RAB11FIP3: variants seen among roughly 807,000 people sequenced by gnomAD.
RAB11FIP3 encodes the protein rab11 family-interacting protein 3.
In RAB11FIP3, 17 loss-of-function variants were observed where a neutral mutation model predicts 77.8. The observed-to-expected ratio is 0.22, with a 90% CI of 0.15 to 0.33. The LOEUF (loss-of-function observed/expected upper bound fraction) is 0.33, where lower values mean the gene tolerates loss of function less well. RAB11FIP3 is among the 10% of genes least tolerant of loss of function. The pLI is 1.00. For missense variants in RAB11FIP3, 1,005 were observed against 1,011.2 expected, an observed-to-expected ratio of 0.99 and a Z score of 0.08; for synonymous variants, 437 against 448.2, an observed-to-expected ratio of 0.98 and a Z score of 0.31.
chr16:453,673 C>T (rs1028064447), intron 1 of RAB11FIP3, among the ~76,000 whole-genome samples: 5 of 151,194 alleles, frequency 3.3e-5, no homozygotes, highest in East Asian at 1.9e-4. Context: ...TCACTGCAAC[C>T]TCTGCCCCCT....
At chr16:439,330 G>A (rs2055186688) in intron 1 of RAB11FIP3, 1 of 152,238 alleles carries the variant, frequency 6.6e-6, no homozygotes. Flanking sequence ...TGGGAATGGA[G>A]AAGGACCAAA....
At chr16:430,944 C>T (rs2055025367) in intron 1 of RAB11FIP3, among the ~76,000 whole-genome samples, 1 of 152,250 alleles carries the variant, frequency 6.6e-6, no homozygotes, top group South Asian at 2.1e-4. Context: ...CGGGCCTCAG[C>T]CTCTCAAAGT....
chr16:491,370 T>C, intron 5 of RAB11FIP3: 1 of 1,191,456 alleles, frequency 8.4e-7, no homozygotes. Flanking sequence ...ACCAGGAGCC[T>C]CTCAGGCAGC....
At chr16:517,248 C>G (rs2032457257) in intron 9 of RAB11FIP3, among the ~76,000 whole-genome samples, 1 of 152,142 alleles carries the variant, frequency 6.6e-6, no homozygotes, top group Admixed American at 6.5e-5. Flanking sequence ...GTCTGGGAGA[C>G]TCACAGACCA....
At chr16:488,628 C>T (rs1027478353) in intron 4 of RAB11FIP3, among the ~76,000 whole-genome samples, 19 of 152,068 alleles carry the variant, frequency 1.2e-4, no homozygotes, top group Admixed American at 5.2e-4. Flanking sequence ...AGGCTGGTCT[C>T]AAACTCCTGA....
intron 5 of RAB11FIP3, chr16:491,121 TC>T (rs2030143134): frequency 7.7e-7 from 1 of 1,291,426 alleles, no homozygotes; most frequent in African/African-American, 1.5e-5. Flanking sequence ...AACGGATGCT[TC>T]TGTCTCTCTA....
chr16:497,634 C>G (rs1385562136), intron 6 of RAB11FIP3, among the ~76,000 whole-genome samples: 1 of 152,162 alleles, frequency 6.6e-6, no homozygotes, highest in Non-Finnish European at 1.5e-5. Context: ...ACAGGTCTCC[C>G]CACACTGGTG....
chr16:445,910 A>T (rs1427642152), intron 1 of RAB11FIP3, among the ~76,000 whole-genome samples: 1 of 152,120 alleles, frequency 6.6e-6, no homozygotes, highest in African/African-American at 2.4e-5. Flanking sequence ...CTCCAGGTAC[A>T]GGTGTTCTCT....
intron 1 of RAB11FIP3, among the ~76,000 whole-genome samples, chr16:450,062 A>G (rs1204819782): frequency 3.3e-5 from 5 of 152,166 alleles, no homozygotes; most frequent in Admixed American, 6.5e-5. Context: ...TCTGCCTGCT[A>G]CCATGGTCTA....
intron 1 of RAB11FIP3, among the ~76,000 whole-genome samples, chr16:455,938 G>C (rs1464015953): frequency 6.6e-6 from 1 of 152,100 alleles, no homozygotes; most frequent in African/African-American, 2.4e-5. Flanking sequence ...ATATTTTATT[G>C]AACATCCTTT....
At chr16:482,821 G>C in intron 4 of RAB11FIP3, 85 bp downstream of exon 4, 1 of 1,387,280 alleles carries the variant, frequency 7.2e-7, no homozygotes, top group Non-Finnish European at 9.8e-7. Flanking sequence ...TGGGGTCTTG[G>C]AGGAGTGCGT....
chr16:439,860 T>C (rs2055195427), intron 1 of RAB11FIP3, among the ~76,000 whole-genome samples: 1 of 152,058 alleles, frequency 6.6e-6, no homozygotes, highest in Non-Finnish European at 1.5e-5. Context: ...CTTTTTTTTT[T>C]TTGAGACGGG....
At chr16:433,710 G>T (rs1007422239) in intron 1 of RAB11FIP3, among the ~76,000 whole-genome samples, 1 of 151,642 alleles carries the variant, frequency 6.6e-6, no homozygotes, top group Non-Finnish European at 1.5e-5. Context: ...AAAAAAATTA[G>T]CTGGGTGTGG....
At chr16:503,568 C>T (rs1447608704) in intron 7 of RAB11FIP3, among the ~76,000 whole-genome samples, 2 of 152,100 alleles carry the variant, frequency 1.3e-5, no homozygotes, top group African/African-American at 4.8e-5. Context: ...CAGGGCAAGG[C>T]AGCCTTGCCG....
intron 1 of RAB11FIP3, among the ~76,000 whole-genome samples, chr16:450,764 G>A (rs1014795114): frequency 3.9e-5 from 6 of 152,130 alleles, no homozygotes; most frequent in Non-Finnish European, 5.9e-5. Flanking sequence ...CAGCTGGCTC[G>A]CATTCTAGAG....
chr16:451,685 AT>A (rs1724340195), intron 1 of RAB11FIP3: 1 of 151,982 alleles, frequency 6.6e-6, no homozygotes, highest in African/African-American at 2.4e-5. Flanking sequence ...AATACAAAAA[AT>A]TAGCCAGGCA....
chr16:447,320 A>G (rs2055333320), intron 1 of RAB11FIP3, among the ~76,000 whole-genome samples: 1 of 151,876 alleles, frequency 6.6e-6, no homozygotes, highest in Admixed American at 6.6e-5. Context: ...AGGAAAAAAG[A>G]GAGTCAGAGA....
rs2032536392 is a variant in RAB11FIP3 at position 518,824 on chromosome 16, T to C, written c.1641-119T>C. The C allele has an allele frequency of 4.3e-6, 4 of 932,136 alleles. No homozygotes were observed. The African/African-American group carries it at 4.9e-5, about 11-fold the overall frequency. The allele number at this position is 932,136 out of a possible 1,614,324, so 57.7% of individuals were successfully genotyped here. ...GCACATAAGGATTGGCCCTGGTCGT[T>C]TGGGGGCGTCTGTTGGTCACAGGGC... On this transcript the variant is annotated intron_variant, in intron 9 of 13. Transcript: ENST00000262305.
At chr16:456,447 A>AG (rs1456601043) in intron 1 of RAB11FIP3, among the ~76,000 whole-genome samples, 1 of 151,024 alleles carries the variant, frequency 6.6e-6, no homozygotes, top group Non-Finnish European at 1.5e-5. Context: ...CTCAAAAAAA[A>AG]AAAAAGAAAA....
Sources: allele counts gnomAD v4.1 joint callset (sites outside exome capture counted in the v4.1 genomes callset), GRCh38; gene constraint gnomAD v4.1.1; transcripts MANE v1.5; gene names NCBI Gene and HGNC (gene_info 2026-07-23, HGNC 2026-07-21).